IGLON5: variants seen among roughly 807,000 people sequenced by gnomAD.
IGLON5 encodes IgLON family member 5, also known as Ig-like domain-containing protein ENSP00000270642.
IGLON5 carries 16 observed loss-of-function variants against 38.2 expected under a neutral mutation model. The observed-to-expected ratio is 0.42, with a 90% CI of 0.28 to 0.64. The LOEUF (loss-of-function observed/expected upper bound fraction) is 0.64, where lower values mean the gene tolerates loss of function less well. IGLON5 is among the 30% of genes least tolerant of loss of function. IGLON5 has a pLI of 0.23. For missense variants in IGLON5, 366 were observed against 483.4 expected, an observed-to-expected ratio of 0.76 and a Z score of 2.28; for synonymous variants, 207 against 216.4, an observed-to-expected ratio of 0.96 and a Z score of 0.38.
At chr19:51,323,099 GT>G (rs1985116470) in intron 2 of IGLON5, among the ~76,000 whole-genome samples, 1 of 134,746 alleles carries the variant, frequency 7.4e-6, no homozygotes, top group Non-Finnish European at 1.6e-5. Flanking sequence ...GTGAGTCTCT[GT>G]CCCCTCTCTC....
chr19:51,328,877 A>G lies in IGLON5; in HGVS notation c.*118A>G. ...CAGAAGAGCTCTCGGCCACCAAGGA[A>G]GAAGAGAGAGGAGAAGAGGAGGAGG... On this transcript the variant is annotated 3_prime_UTR_variant, in exon 8 of 8. Coordinates refer to ENST00000270642, the MANE Select transcript of IGLON5 (RefSeq NM_001101372.3). 3 of 615,918 alleles carry G rather than the reference A, an allele frequency of 4.9e-6. No individual in the cohort carries two copies. The highest frequency in any genetic ancestry group is 8.3e-6 in the Non-Finnish European group (3 of 363,064). The allele number at this position is 615,918 out of a possible 1,614,324, so 38.2% of individuals were successfully genotyped here.
At chr19:51,323,150 C>G (rs1049325882) in intron 2 of IGLON5, among the ~76,000 whole-genome samples, 4 of 149,232 alleles carry the variant, frequency 2.7e-5, no homozygotes, top group South Asian at 4.3e-4. Flanking sequence ...CTCTATCCCC[C>G]TCTCCCTAGG....
In IGLON5 at chr19:51,327,919, TGGGCGGGGCCGG is replaced by T. The variant is rs1488862315; in HGVS notation, c.922+43_922+54del. ...TTCGGGCGGGGCGGGGCCGGGAAGG[TGGGCGGGGCCGG>T]GGGCGGGGCTAGGGAAGTGGAGACG... On this transcript the variant is annotated intron_variant, in intron 7 of 7. Coordinates refer to ENST00000270642, the MANE Select transcript of IGLON5 (RefSeq NM_001101372.3). The surrounding 1 kb of genome is among the most constrained non-coding windows in gnomAD (Gnocchi z 7.1). The T allele has an allele frequency of 5.6e-5, 37 of 662,898 alleles. No individual in the cohort carries two copies. Among genetic ancestry groups the T allele is most frequent in the East Asian group, 2.8e-4 (4 of 14,076 alleles). 41.1% of individuals were successfully genotyped at this position (662,898 alleles called of 1,614,324 possible).
rs1985325433 is a variant in IGLON5 at position 51,330,295 on chromosome 19, A to T, written c.*1536A>T. On this transcript the variant is annotated 3_prime_UTR_variant, in exon 8 of 8. Transcript: ENST00000270642. ...GAGGGGGTGGGGGGCCCTGGGGGCC[A>T]TGTGTTCCAATTCATGGGGAGTGTT... The T allele has an allele frequency of 6.6e-6, 1 of 152,328 alleles. No homozygotes were observed. Among genetic ancestry groups the T allele is most frequent in the African/African-American group, 2.4e-5 (1 of 41,462 alleles). The allele number at this position is 152,328 out of a possible 1,614,324, so 9.4% of individuals were successfully genotyped here. A position where few individuals can be genotyped will look rare whatever the true frequency, so the allele number is the denominator to read the frequency against.
chr19:51,325,476 C>T lies in IGLON5; in HGVS notation c.511+11C>T. 1 of 1,605,516 alleles carries T rather than the reference C, an allele frequency of 6.2e-7. No homozygotes were observed. The highest frequency in any genetic ancestry group is 8.5e-7 in the Non-Finnish European group (1 of 1,175,672). On this transcript the variant is annotated intron_variant, in intron 4 of 7. Coordinates refer to ENST00000270642, the MANE Select transcript of IGLON5 (RefSeq NM_001101372.3). The surrounding 1 kb of genome is among the most constrained non-coding windows in gnomAD (Gnocchi z 5.5). ...GGAGACAGCTCCGAGGTGAGGACCC[C>T]ATCCCAGGTCAAAAGCCCCGTCCCC... is the stretch of plus-strand genomic sequence containing the variant.
At chr19:51,318,006 G>C (rs1984963798) in intron 1 of IGLON5, among the ~76,000 whole-genome samples, 1 of 152,164 alleles carries the variant, frequency 6.6e-6, no homozygotes, top group Non-Finnish European at 1.5e-5. Flanking sequence ...TCCCAGTTCT[G>C]AGATTGGCTC....
rs1985223403 is a variant in IGLON5 at position 51,326,711 on chromosome 19, C to G, written c.512-53C>G. On this transcript the variant is annotated intron_variant, in intron 4 of 7. Transcript: ENST00000270642. ...TGTCCGTGTTGTGCCCGTGTTGTCCCGTGTTAAGTGTTTGTGTCCGGCCCC... is the reference window on the plus strand; with the variant it reads ...TGTCCGTGTTGTGCCCGTGTTGTCCGGTGTTAAGTGTTTGTGTCCGGCCCC... The G allele has an allele frequency of 4.1e-6, 6 of 1,450,446 alleles. 1 individual carries two copies. The highest frequency in any genetic ancestry group is 2.2e-5 in the Admixed American group (1 of 44,686). The allele number at this position is 1,450,446 out of a possible 1,614,324, so 89.8% of individuals were successfully genotyped here. A position where few individuals can be genotyped will look rare whatever the true frequency, so the allele number is the denominator to read the frequency against.
intron 1 of IGLON5, among the ~76,000 whole-genome samples, chr19:51,315,849 C>T (rs1217263432): frequency 1.3e-5 from 2 of 151,910 alleles, no homozygotes; most frequent in African/African-American, 4.8e-5. Flanking sequence ...GCGCCCACCA[C>T]CACGCCTGGC....
chr19:51,314,040 TTCTC>T (rs977939523), intron 1 of IGLON5, among the ~76,000 whole-genome samples: 8 of 151,746 alleles, frequency 5.3e-5, no homozygotes, highest in Non-Finnish European at 8.8e-5. Flanking sequence ...TCTTCTTTCT[TTCTC>T]TCCTTGTCCT....
rs1985282423 is a variant in IGLON5 at position 51,328,958 on chromosome 19, T to C, written c.*199T>C. The C allele has an allele frequency of 2.0e-6, 1 of 498,018 alleles. No individual in the cohort carries two copies. 30.8% of individuals were successfully genotyped at this position (498,018 alleles called of 1,614,324 possible). On this transcript the variant is annotated 3_prime_UTR_variant, in exon 8 of 8. Transcript: ENST00000270642. ...CACTGTGAGGGATAACGCAAAATTA[T>C]GCATCTTTCTACAGCCATTCTCGCC...
chr19:51,320,340 C>T (rs933710510), intron 1 of IGLON5, among the ~76,000 whole-genome samples: 2 of 152,188 alleles, frequency 1.3e-5, no homozygotes, highest in Non-Finnish European at 2.9e-5. Context: ...CAGCACGGGC[C>T]ATTAATTCAT....
chr19:51,318,664 G>C (rs962087553), intron 1 of IGLON5, among the ~76,000 whole-genome samples: 2 of 152,180 alleles, frequency 1.3e-5, no homozygotes, highest in African/African-American at 2.4e-5. Flanking sequence ...TTGCTGGGGA[G>C]GTTGAGGCTG....
intron 2 of IGLON5, among the ~76,000 whole-genome samples, chr19:51,322,426 CCAGAGAGAAGGGG>C (rs1985087309): frequency 6.9e-6 from 1 of 145,940 alleles, no homozygotes; most frequent in African/African-American, 2.8e-5. Flanking sequence ...GGACAGAGAT[CCAGAGAGAAGGGG>C]ACAGAGATCC....
rs1310276380 is a variant in IGLON5, at chr19:51,325,249, G to C, written c.392-97G>C. The C allele has an allele frequency of 3.3e-5, 50 of 1,527,928 alleles. 1 individual carries two copies. In the East Asian group the frequency reaches 1.2e-3, roughly 37 times the overall value. 94.6% of individuals were successfully genotyped at this position (1,527,928 alleles called of 1,614,324 possible). A position where few individuals can be genotyped will look rare whatever the true frequency, so the allele number is the denominator to read the frequency against. On this transcript the variant is annotated intron_variant, in intron 3 of 7. Coordinates refer to ENST00000270642, the MANE Select transcript of IGLON5 (RefSeq NM_001101372.3). The surrounding 1 kb of genome is among the most constrained non-coding windows in gnomAD (Gnocchi z 5.5). ...CTGAACTCCTGGGTCTGAGGGAGGA[G>C]GAGGGGCTGGGGGTCTGGACTCCTG...
At chr19:51,321,120 G>A (rs1286101485) in intron 1 of IGLON5, among the ~76,000 whole-genome samples, 1 of 152,140 alleles carries the variant, frequency 6.6e-6, no homozygotes, top group Non-Finnish European at 1.5e-5. Context: ...GTCTGTGCGT[G>A]TAGACCATGT....
Position 51,327,930 on chromosome 19 carries a change from G to T in IGLON5, c.922+44G>T. 7 of 1,450,992 alleles carry T rather than the reference G, an allele frequency of 4.8e-6. No individual in the cohort carries two copies. The South Asian group carries it at 9.8e-5, about 20-fold the overall frequency. The allele number at this position is 1,450,992 out of a possible 1,614,324, so 89.9% of individuals were successfully genotyped here. On this transcript the variant is annotated intron_variant, in intron 7 of 7. Transcript: ENST00000270642. The surrounding 1 kb of genome is among the most constrained non-coding windows in gnomAD (Gnocchi z 7.1). Reference sequence around the variant, plus strand: ...CGGGGCCGGGAAGGTGGGCGGGGCCGGGGGCGGGGCTAGGGAAGTGGAGAC... The same window carrying T: ...CGGGGCCGGGAAGGTGGGCGGGGCCTGGGGCGGGGCTAGGGAAGTGGAGAC...
intron 1 of IGLON5, among the ~76,000 whole-genome samples, chr19:51,316,480 T>A (rs1411382118): frequency 6.7e-6 from 1 of 149,910 alleles, no homozygotes; most frequent in African/African-American, 2.4e-5. Flanking sequence ...TTTCTTTGTT[T>A]TTCTTTTCTT....
intron 1 of IGLON5, among the ~76,000 whole-genome samples, chr19:51,315,094 C>A (rs533208235): frequency 6.6e-6 from 1 of 152,330 alleles, no homozygotes; most frequent in South Asian, 2.1e-4. Context: ...ATCTTCAATT[C>A]TTTTCTAAAT....
rs914467184 is a variant in IGLON5 at position 51,323,829 on chromosome 19, T to C, written c.326T>C (p.Leu109Pro). Residue 109 changes from leucine (L) to proline (P), a missense_variant, in exon 3 of 8, where the codon CTC becomes CCC. By Grantham distance (98) the Leu-to-Pro change is moderately conservative. Transcript: ENST00000270642. The stretch of plus-strand genomic sequence containing the variant: ...GAGGTGGGGCTCGGCGACGAGGGCC[T>C]CTACACCTGCTCCTTCCAGACCCGC... ...ITEVGLGDEG[L>P]YTCSFQTRHQ... 9.9e-6 allele frequency: 16 copies of C among 1,613,804 alleles called. No homozygotes were observed. The highest frequency in any genetic ancestry group is 1.4e-5 in the Non-Finnish European group (16 of 1,179,840).
Sources: gnomAD v4.1 joint callset for allele counts (sites outside exome capture counted in the v4.1 genomes callset) on GRCh38, gnomAD v4.1.1 for gene constraint, Gnocchi (gnomAD v3.1) non-coding constraint, MANE v1.5 for transcripts, NCBI Gene and HGNC (gene_info 2026-07-23, HGNC 2026-07-21) for gene names.